The following HSD17B4 variants were observed in gnomAD, a reference collection of about 807,000 sequenced individuals.
The protein encoded by HSD17B4 is hydroxysteroid 17-beta dehydrogenase 4, also known as peroxisomal multifunctional enzyme type 2.
A neutral mutation model predicts 101.0 loss-of-function variants in HSD17B4; 70 were observed. The observed-to-expected ratio is 0.69, with a 90% CI of 0.57 to 0.85. The LOEUF is 0.85. Among genes scored for constraint, HSD17B4 ranks in the 40% least tolerant of loss-of-function variants. The probability of loss-of-function intolerance (pLI) is 0.00; values close to 1 mark genes in which losing one functional copy is unlikely to be tolerated. For missense variants in HSD17B4, 984 were observed against 892.4 expected (o/e 1.10, Z -1.31); for synonymous variants, 347 against 297.1 (o/e 1.17, Z -1.73).
intron 2 of HSD17B4, among the ~76,000 whole-genome samples, chr5:119,460,048 T>G (rs112785908): frequency 6.6e-6 from 1 of 151,830 alleles, no homozygotes; most frequent in African/African-American, 2.4e-5. Flanking sequence ...TTTTTTTTTT[T>G]GTATTTTTAG....
intron 2 of HSD17B4, among the ~76,000 whole-genome samples, chr5:119,472,792 T>G (rs1300959149): frequency 6.6e-6 from 1 of 152,230 alleles, no homozygotes; most frequent in Non-Finnish European, 1.5e-5. Flanking sequence ...AGCATCTCAC[T>G]AGTTCCTGGC....
intron 17 of HSD17B4, among the ~76,000 whole-genome samples, chr5:119,519,988 C>T (rs569978798): frequency 6.6e-6 from 1 of 152,266 alleles, no homozygotes; most frequent in Non-Finnish European, 1.5e-5. Context: ...CTCCTTTGAA[C>T]TTTTTCTCTA....
chr5:119,459,302 G>A (rs906998864), intron 2 of HSD17B4, among the ~76,000 whole-genome samples: 2 of 152,132 alleles, frequency 1.3e-5, no homozygotes, highest in Non-Finnish European at 2.9e-5. Context: ...ATTATGGTGA[G>A]GGTAAATGAC....
intron 8 of HSD17B4, among the ~76,000 whole-genome samples, chr5:119,482,781 G>T (rs1324144618): frequency 6.6e-6 from 1 of 151,976 alleles, no homozygotes; most frequent in African/African-American, 2.4e-5. Context: ...CTGGAGCCCT[G>T]TTGATGGAGT....
chr5:119,481,800 A>T (rs984723207), intron 8 of HSD17B4, among the ~76,000 whole-genome samples: 1 of 152,192 alleles, frequency 6.6e-6, no homozygotes, highest in Non-Finnish European at 1.5e-5. Context: ...ATAAAGTGGA[A>T]TATAATAAAA....
rs186833538 is a variant in HSD17B4 at position 119,477,799 on chromosome 5, C to A, written c.434+298C>A. The A allele has an allele frequency of 1.1e-5, 4 of 361,262 alleles. No homozygotes were observed. The East Asian group carries it at 2.5e-4, about 23-fold the overall frequency. 22.4% of individuals were successfully genotyped at this position (361,262 alleles called of 1,614,324 possible). ...AGACATAGTTTCATTCTTGTCCAGG[C>A]TGGAGTACAGTGGCATGAACATGGC... On this transcript the variant is annotated intron_variant, in intron 7 of 23. Coordinates refer to ENST00000510025, the MANE Select transcript of HSD17B4 (RefSeq NM_000414.4).
chr5:119,458,202 TAAG>T (rs1175671672), intron 2 of HSD17B4, among the ~76,000 whole-genome samples: 2 of 152,212 alleles, frequency 1.3e-5, no homozygotes, highest in Non-Finnish European at 2.9e-5. Flanking sequence ...AGTTTAGTAT[TAAG>T]GAGGAGAATT....
At chr5:119,464,153 T>C (rs1428116946) in intron 2 of HSD17B4, among the ~76,000 whole-genome samples, 1 of 152,134 alleles carries the variant, frequency 6.6e-6, no homozygotes, top group Non-Finnish European at 1.5e-5. Flanking sequence ...CTCTTCACTG[T>C]TGATTGTTTT....
At chr5:119,536,291 A>G (rs1754528912) in intron 22 of HSD17B4, 132 bp from the exon 23 acceptor site, 2 of 805,812 alleles carry the variant, frequency 2.5e-6, no homozygotes, top group Non-Finnish European at 4.2e-6. Context: ...TAATTGATAG[A>G]TAGAATATGT....
At chr5:119,457,761 T>C (rs1754819000) in intron 2 of HSD17B4, among the ~76,000 whole-genome samples, 1 of 152,206 alleles carries the variant, frequency 6.6e-6, no homozygotes, top group African/African-American at 2.4e-5. Flanking sequence ...ACGGCAAGGA[T>C]CTTGTTTTAT....
chr5:119,500,151 T>G (rs992142766), intron 13 of HSD17B4, among the ~76,000 whole-genome samples: 4 of 152,072 alleles, frequency 2.6e-5, no homozygotes, highest in African/African-American at 9.7e-5. Context: ...CTTGTTGCTT[T>G]TGGAGACTAG....
intron 8 of HSD17B4, among the ~76,000 whole-genome samples, chr5:119,484,158 C>T (rs1045656160): frequency 8.5e-5 from 13 of 152,206 alleles, no homozygotes; most frequent in African/African-American, 4.8e-5. Flanking sequence ...CAGTGAGCTA[C>T]GGTTGCACCT....
In HSD17B4 at chr5:119,499,393, G is replaced by T. The variant is rs1750946604; in HGVS notation, c.1049G>T (p.Gly350Val). 1 of 1,613,686 alleles carries T rather than the reference G, an allele frequency of 6.2e-7. No homozygotes were observed. Among genetic ancestry groups the T allele is most frequent in the Non-Finnish European group, 8.5e-7 (1 of 1,179,810 alleles). The change falls in exon 13 of 24, where the codon GGA becomes GTA. Residue 350 changes from glycine (G) to valine (V), a missense_variant. Coordinates refer to ENST00000510025, the MANE Select transcript of HSD17B4 (RefSeq NM_000414.4). ...TELEAIMYAL[G>V]VGASIKDPKD... Reference sequence around the variant, plus strand: ...CTGGAAGCTATTATGTATGCCCTTGGAGTGGGAGCGTCAATCAAGGATCCA... The same window carrying T: ...CTGGAAGCTATTATGTATGCCCTTGTAGTGGGAGCGTCAATCAAGGATCCA...
intron 2 of HSD17B4, among the ~76,000 whole-genome samples, chr5:119,462,761 G>A (rs1755395118): frequency 6.6e-6 from 1 of 152,122 alleles, no homozygotes; most frequent in Non-Finnish European, 1.5e-5. Flanking sequence ...GGGGTACAGT[G>A]TGATATTTTC....
At chr5:119,530,743 C>T (rs1203618727) in intron 21 of HSD17B4, among the ~76,000 whole-genome samples, 2 of 147,584 alleles carry the variant, frequency 1.4e-5, no homozygotes, top group Non-Finnish European at 3.0e-5. Context: ...ATCCCAGCTA[C>T]TCAAGAAGCT....
chr5:119,533,652 C>T (rs1754303330), intron 22 of HSD17B4, among the ~76,000 whole-genome samples: 1 of 151,956 alleles, frequency 6.6e-6, no homozygotes. Context: ...CTGTAGCCAA[C>T]CAAGATCTGG....
chr5:119,454,726 A>G (rs1020980466), intron 1 of HSD17B4, among the ~76,000 whole-genome samples: 10 of 152,052 alleles, frequency 6.6e-5, no homozygotes, highest in African/African-American at 1.9e-4. Context: ...GGTTCAAACA[A>G]TTCTCCTACC....
rs1017305556 is a variant in HSD17B4 at position 119,493,748 on chromosome 5, G to C, written c.740-70G>C. 21 of 1,376,342 alleles carry C rather than the reference G, an allele frequency of 1.5e-5. No homozygotes were observed. The South Asian group carries it at 2.0e-4, about 13-fold the overall frequency. 85.3% of individuals were successfully genotyped at this position (1,376,342 alleles called of 1,614,324 possible). On this transcript the variant is annotated intron_variant, in intron 10 of 23. Coordinates refer to ENST00000510025, the MANE Select transcript of HSD17B4 (RefSeq NM_000414.4). ...TTTCCTTTCTCTTTAAAAATGAAAG[G>C]GTTCTTATGCATCTTACTTTCTGTC...
At chr5:119,514,137 G>A (rs1752407439) in intron 16 of HSD17B4, among the ~76,000 whole-genome samples, 2 of 152,140 alleles carry the variant, frequency 1.3e-5, no homozygotes, top group Admixed American at 1.3e-4. Flanking sequence ...TGTAATTGAT[G>A]CAATGATTTT....
Sources: allele counts gnomAD v4.1 joint callset (sites outside exome capture counted in the v4.1 genomes callset), GRCh38; gene constraint gnomAD v4.1.1; transcripts MANE v1.5; gene names NCBI Gene and HGNC (gene_info 2026-07-23, HGNC 2026-07-21).